Variants in ARB2A observed in about 807,000 individuals in gnomAD.
The protein encoded by ARB2A is cotranscriptional regulator ARB2A.
the ARB2A span, among the ~76,000 whole-genome samples, chr5:93,746,993 C>T: frequency 1.3e-5 from 2 of 152,162 alleles, no homozygotes; most frequent in Non-Finnish European, 2.9e-5. Flanking sequence ...TAAGGATGTT[C>T]TTGCATTGAT....
chr5:94,050,933 T>A, the ARB2A span: 1 of 805,780 alleles, frequency 1.2e-6, no homozygotes, highest in Admixed American at 3.0e-5. Flanking sequence ...AATAACTTTC[T>A]CAGAACAGTT....
the ARB2A span, among the ~76,000 whole-genome samples, chr5:94,080,678 G>A: frequency 3.4e-4 from 52 of 152,232 alleles, no homozygotes; most frequent in African/African-American, 1.2e-3. Context: ...GTGGTAATAT[G>A]AAGGCCCAGC....
the ARB2A span, among the ~76,000 whole-genome samples, chr5:94,067,465 T>C: frequency 2.0e-5 from 3 of 152,174 alleles, no homozygotes; most frequent in East Asian, 1.9e-4. Flanking sequence ...AACTTGTAGC[T>C]CTTATAAATT....
At chr5:93,909,665 A>C in the ARB2A span, among the ~76,000 whole-genome samples, 1 of 150,932 alleles carries the variant, frequency 6.6e-6, no homozygotes, top group Non-Finnish European at 1.5e-5. Flanking sequence ...CTATTTTCAA[A>C]AGCCTAAAAT....
At chr5:93,785,570 G>A in the ARB2A span, among the ~76,000 whole-genome samples, 10 of 152,078 alleles carry the variant, frequency 6.6e-5, no homozygotes, top group Admixed American at 3.3e-4. Flanking sequence ...GCCTGTTGGC[G>A]TTCTGAATTT....
chr5:93,769,811 A>C, the ARB2A span, among the ~76,000 whole-genome samples: 1 of 152,150 alleles, frequency 6.6e-6, no homozygotes, highest in Admixed American at 6.5e-5. Flanking sequence ...TTAGTGATAA[A>C]TGGATATGTG....
chr5:93,786,476 T>G, the ARB2A span, among the ~76,000 whole-genome samples: 1 of 152,220 alleles, frequency 6.6e-6, no homozygotes. Flanking sequence ...ATTTTACACT[T>G]TAAAAATCAC....
the ARB2A span, among the ~76,000 whole-genome samples, chr5:94,100,233 G>C: frequency 6.6e-6 from 1 of 152,080 alleles, no homozygotes; most frequent in Non-Finnish European, 1.5e-5. Flanking sequence ...TAATCAGGGA[G>C]GTGAAAGAGC....
chr5:93,806,916 G>T, the ARB2A span, among the ~76,000 whole-genome samples: 1 of 151,896 alleles, frequency 6.6e-6, no homozygotes, highest in South Asian at 2.1e-4. Flanking sequence ...TTTGTAGTAG[G>T]TGTTACTAAA....
chr5:93,721,148 G>A, the ARB2A span, among the ~76,000 whole-genome samples: 8 of 152,130 alleles, frequency 5.3e-5, no homozygotes, highest in Non-Finnish European at 8.8e-5. Context: ...AATTTGATAG[G>A]TTTGTAAAGG....
the ARB2A span, among the ~76,000 whole-genome samples, chr5:93,993,847 T>C: frequency 2.6e-5 from 4 of 150,982 alleles, no homozygotes; most frequent in African/African-American, 9.7e-5. Flanking sequence ...TAAATAAATA[T>C]TATTTAAAAG....
the ARB2A span, among the ~76,000 whole-genome samples, chr5:93,967,612 G>A: frequency 6.6e-6 from 1 of 151,902 alleles, no homozygotes; most frequent in East Asian, 1.9e-4. Flanking sequence ...AAGGGGGAGG[G>A]GACAAATTTT....
chr5:94,005,887 G>A, the ARB2A span, among the ~76,000 whole-genome samples: 2 of 152,164 alleles, frequency 1.3e-5, no homozygotes, highest in Non-Finnish European at 1.5e-5. Context: ...AACATCAAAT[G>A]ATGCTGAGGA....
At chr5:93,892,595 A>G in the ARB2A span, among the ~76,000 whole-genome samples, 553 of 149,412 alleles carry the variant, frequency 3.7e-3, 2 homozygotes, top group East Asian at 6.8e-3. Flanking sequence ...TGGGGGGGGG[A>G]AAACCACACA....
At chr5:93,618,963 G>C in the ARB2A span, 1 of 152,160 alleles carries the variant, frequency 6.6e-6, no homozygotes, top group African/African-American at 2.4e-5. Flanking sequence ...TTGCACAAGT[G>C]TTGGTTTTTT....
the ARB2A span, among the ~76,000 whole-genome samples, chr5:93,689,568 C>T: frequency 6.6e-6 from 1 of 152,182 alleles, no homozygotes; most frequent in Admixed American, 6.5e-5. Flanking sequence ...TTAGACTCAC[C>T]TTTTGCTCTT....
chr5:93,924,354 T>C, the ARB2A span, among the ~76,000 whole-genome samples: 12 of 152,322 alleles, frequency 7.9e-5, no homozygotes, highest in Admixed American at 2.0e-4. Context: ...AACTACCATA[T>C]GCCACTGCTT....
At chr5:93,807,937 C>T in the ARB2A span, among the ~76,000 whole-genome samples, 1 of 151,976 alleles carries the variant, frequency 6.6e-6, no homozygotes, top group Non-Finnish European at 1.5e-5. Flanking sequence ...TTGAGATGAA[C>T]TCAGTGTAAC....
At chr5:93,827,629 T>G in the ARB2A span, among the ~76,000 whole-genome samples, 1 of 151,974 alleles carries the variant, frequency 6.6e-6, no homozygotes. Context: ...TTTTGGCTTT[T>G]GTTGCCATTG....
Sources: allele counts gnomAD v4.1 joint callset (sites outside exome capture counted in the v4.1 genomes callset), GRCh38; gene constraint gnomAD v4.1.1; transcripts MANE v1.5; gene names NCBI Gene and HGNC (gene_info 2026-07-23, HGNC 2026-07-21).